LPP: variants seen among roughly 807,000 people sequenced by gnomAD.
LPP encodes the protein LIM domain containing preferred translocation partner in lipoma.
In LPP, 38 loss-of-function variants were observed where a neutral mutation model predicts 60.4. The ratio of observed to expected loss-of-function variants is 0.63; its 90% confidence interval spans 0.49 to 0.83. The LOEUF is 0.83. Among genes scored for constraint, LPP ranks in the 40% least tolerant of loss-of-function variants. The pLI is 0.00. For synonymous variants in LPP, 328 were observed against 290.8 expected, an observed-to-expected ratio of 1.13 and a Z score of -1.30; for missense variants, 902 against 783.6, an observed-to-expected ratio of 1.15 and a Z score of -1.80.
At position 188,219,261 on chromosome 3, in the gene LPP, A is replaced by T. The variant is rs146598204; in HGVS notation, c.-189-6144A>T. Among the ~76,000 whole-genome samples, 943 of 152,272 alleles carry T rather than the reference A, an allele frequency of 6.2e-3. 12 individuals carry two copies. Among genetic ancestry groups the T allele is most frequent in the African/African-American group, 0.022 (895 of 41,542 alleles). ...AGTTGCTCAAAATTCCATAGTTAAT[A>T]AGTGTAGAATCCAAGGGTCAAGCAC... On this transcript the variant is annotated intron_variant, in intron 1 of 11. Coordinates refer to ENST00000617246, the MANE Select transcript of LPP (RefSeq NM_001375462.1).
chr3:188,186,217 G>A (rs774082636), intron 1 of LPP, among the ~76,000 whole-genome samples: 5 of 152,196 alleles, frequency 3.3e-5, no homozygotes, highest in Non-Finnish European at 7.3e-5. Flanking sequence ...CTGGGCCACA[G>A]TGCTGCACAG....
At chr3:188,269,884 G>C (rs1737093097) in intron 2 of LPP, among the ~76,000 whole-genome samples, 1 of 152,170 alleles carries the variant, frequency 6.6e-6, no homozygotes, top group Non-Finnish European at 1.5e-5. Flanking sequence ...CTGACCTCAA[G>C]TGATCCACCC....
chr3:188,259,365 T>C (rs961404068), intron 2 of LPP, among the ~76,000 whole-genome samples: 1 of 152,282 alleles, frequency 6.6e-6, no homozygotes, highest in African/African-American at 2.4e-5. Flanking sequence ...GGCCACTCTT[T>C]ACCATTCTTG....
chr3:188,740,447 G>A (rs1426605022), intron 8 of LPP, among the ~76,000 whole-genome samples: 1 of 152,048 alleles, frequency 6.6e-6, no homozygotes, highest in Non-Finnish European at 1.5e-5. Flanking sequence ...ACATTTAATT[G>A]TGTCTCTATC....
At chr3:188,705,351 A>G (rs1443521191) in intron 7 of LPP, among the ~76,000 whole-genome samples, 1 of 152,106 alleles carries the variant, frequency 6.6e-6, no homozygotes, top group Non-Finnish European at 1.5e-5. Flanking sequence ...CAATGTACGT[A>G]TCTGTCATTG....
In LPP at chr3:188,781,560, C is replaced by A. The variant is rs527402579; in HGVS notation, c.1410+21278C>A. ...GGGTGGCAGGAGAGAGAATGAGAGA[C>A]AAGCAAAAAAGGAAAAGCCCTTTAT... On this transcript the variant is annotated intron_variant, in intron 9 of 11. Transcript: ENST00000617246. 4.4e-4 allele frequency among the ~76,000 whole-genome samples: 67 copies of A among 151,598 alleles called. No homozygotes were observed. The East Asian group carries it at 0.012, about 27-fold the overall frequency.
chr3:188,418,370 A>C (rs867398042), intron 4 of LPP, among the ~76,000 whole-genome samples: 3 of 152,198 alleles, frequency 2.0e-5, no homozygotes, highest in Non-Finnish European at 1.5e-5. Context: ...CTTCCATTTC[A>C]TCTGAAGTCC....
At chr3:188,716,296 T>A (rs948339381) in intron 8 of LPP, among the ~76,000 whole-genome samples, 2 of 152,232 alleles carry the variant, frequency 1.3e-5, no homozygotes, top group Non-Finnish European at 2.9e-5. Context: ...GGCGTTAACA[T>A]GAACAAAGTG....
intron 2 of LPP, among the ~76,000 whole-genome samples, chr3:188,229,203 C>A (rs1265433663): frequency 3.3e-5 from 5 of 152,132 alleles, no homozygotes; most frequent in Admixed American, 2.6e-4. Context: ...AATTAAGAAA[C>A]CCGGGAAGCT....
intron 4 of LPP, among the ~76,000 whole-genome samples, chr3:188,440,966 T>TGTGC (rs1230358116): frequency 6.0e-5 from 9 of 151,234 alleles, no homozygotes; most frequent in African/African-American, 2.2e-4. Flanking sequence ...TGTGTGTGTG[T>TGTGC]GTGTGCGCCT....
At chr3:188,530,533 G>A (rs1203601669) in intron 6 of LPP, among the ~76,000 whole-genome samples, 3 of 152,134 alleles carry the variant, frequency 2.0e-5, no homozygotes, top group African/African-American at 4.8e-5. Flanking sequence ...TCTACAGATG[G>A]AAAGCTTTTG....
chr3:188,466,969 G>A (rs1277899160), intron 4 of LPP, among the ~76,000 whole-genome samples: 1 of 123,586 alleles, frequency 8.1e-6, no homozygotes, highest in Non-Finnish European at 1.6e-5. Context: ...CAAAAACTCT[G>A]CACTAACATT....
chr3:188,295,340 G>A (rs1747508666), intron 2 of LPP, among the ~76,000 whole-genome samples: 1 of 152,154 alleles, frequency 6.6e-6, no homozygotes, highest in South Asian at 2.1e-4. Flanking sequence ...TATTTGAGTG[G>A]ATCTGGTCTG....
At chr3:188,559,223 T>C (rs1239641222) in intron 6 of LPP, among the ~76,000 whole-genome samples, 1 of 152,132 alleles carries the variant, frequency 6.6e-6, no homozygotes, top group East Asian at 1.9e-4. Context: ...TGACTCAACC[T>C]TCAGCTGTTA....
At chr3:188,222,452 A>G (rs1375850152) in intron 1 of LPP, among the ~76,000 whole-genome samples, 1 of 152,196 alleles carries the variant, frequency 6.6e-6, no homozygotes, top group Non-Finnish European at 1.5e-5. Context: ...AAATGGTTGC[A>G]TACACCTTGT....
At chr3:188,430,815 GAGTCTTCCC>G (rs1790698371) in intron 4 of LPP, among the ~76,000 whole-genome samples, 1 of 152,072 alleles carries the variant, frequency 6.6e-6, no homozygotes, top group Non-Finnish European at 1.5e-5. Context: ...TGATGATGTT[GAGTCTTCCC>G]CACCCAGCTC....
chr3:188,260,625 C>T (rs1203831740), intron 2 of LPP, among the ~76,000 whole-genome samples: 1 of 152,058 alleles, frequency 6.6e-6, no homozygotes, highest in African/African-American at 2.4e-5. Context: ...CGATTGAGCA[C>T]CTTATATTTA....
intron 2 of LPP, among the ~76,000 whole-genome samples, chr3:188,277,423 T>C (rs896963495): frequency 2.0e-5 from 3 of 152,204 alleles, no homozygotes; most frequent in Non-Finnish European, 4.4e-5. Flanking sequence ...CTCTTCTCTA[T>C]TAGTTTTTTA....
intron 10 of LPP, among the ~76,000 whole-genome samples, chr3:188,868,637 A>C (rs1386603420): frequency 6.6e-6 from 1 of 152,236 alleles, no homozygotes; most frequent in East Asian, 1.9e-4. Context: ...AAGCCTTAAA[A>C]TTACTAGAAT....
Sources: allele counts gnomAD v4.1 joint callset (sites outside exome capture counted in the v4.1 genomes callset), GRCh38; gene constraint gnomAD v4.1.1; transcripts MANE v1.5; gene names NCBI Gene and HGNC (gene_info 2026-07-23, HGNC 2026-07-21).